DLGAP2: variants seen among roughly 807,000 people sequenced by gnomAD.
DLGAP2 encodes the protein disks large-associated protein 2.
Under a neutral mutation model 100.3 loss-of-function variants are expected in DLGAP2, and 26 were observed. The ratio of observed to expected loss-of-function variants is 0.26; its 90% CI spans 0.19 to 0.36. DLGAP2 has a LOEUF of 0.36. Ranked by LOEUF, DLGAP2 falls within the 10% of genes least tolerant of loss-of-function variation. DLGAP2 has a pLI of 1.00. For missense variants in DLGAP2, 1,858 were observed against 1,453.2 expected, an observed-to-expected ratio of 1.28 and a Z score of -4.53; for synonymous variants, 886 against 630.1, an observed-to-expected ratio of 1.41 and a Z score of -6.08.
At chr8:1,349,098 G>A (rs1311807431) in intron 3 of DLGAP2, among the ~76,000 whole-genome samples, 2 of 151,516 alleles carry the variant, frequency 1.3e-5, no homozygotes, top group Non-Finnish European at 2.9e-5. Flanking sequence ...TGCTCAGAGA[G>A]TGCTGCCGTT....
intron 3 of DLGAP2, among the ~76,000 whole-genome samples, chr8:1,415,083 T>G (rs1796841518): frequency 1.3e-5 from 2 of 152,216 alleles, no homozygotes; most frequent in African/African-American, 4.8e-5. Context: ...TTGGCTGTGG[T>G]GCACATGCAT....
chr8:896,421 G>A (rs1462277385), intron 1 of DLGAP2, among the ~76,000 whole-genome samples: 1 of 151,994 alleles, frequency 6.6e-6, no homozygotes, highest in Non-Finnish European at 1.5e-5. Flanking sequence ...CAGGGCGGGG[G>A]GGCTGGGTGG....
rs56053091 is a variant in DLGAP2, at chr8:1,385,218, A to G, written c.107-116148A>G. Among the ~76,000 whole-genome samples the G allele has an allele frequency of 1.0e-3, 39 of 39,086 alleles. 1 individual carries two copies. Among genetic ancestry groups the G allele is most frequent in the East Asian group, 2.7e-3 (2 of 744 alleles). The allele number at this position is 39,086 out of a possible 152,430, so 25.6% of individuals were successfully genotyped here. A position where few individuals can be genotyped will look rare whatever the true frequency, so the allele number is the denominator to read the frequency against. ...ACTTGGTGCACAGTTACCCCGGCCT[A>G]TGCCCGTCCCCTGAGAACTTGGTGG... On this transcript the variant is annotated intron_variant, in intron 3 of 14. Coordinates refer to ENST00000637795, the MANE Select transcript of DLGAP2 (RefSeq NM_001346810.2).
chr8:1,591,783 C>G (rs1450811543), intron 6 of DLGAP2, among the ~76,000 whole-genome samples: 1 of 152,200 alleles, frequency 6.6e-6, no homozygotes, highest in Non-Finnish European at 1.5e-5. Flanking sequence ...AGGCCCTCAC[C>G]CATCCCCAGC....
intron 3 of DLGAP2, among the ~76,000 whole-genome samples, chr8:1,296,574 A>G (rs913722308): frequency 2.6e-5 from 4 of 152,174 alleles, no homozygotes; most frequent in African/African-American, 9.7e-5. Flanking sequence ...TTGGGATTCT[A>G]TATGAATAAA....
At chr8:1,330,302 C>G (rs1468295309) in intron 3 of DLGAP2, among the ~76,000 whole-genome samples, 1 of 147,330 alleles carries the variant, frequency 6.8e-6, no homozygotes, top group African/African-American at 2.5e-5. Flanking sequence ...GGGAGCACTA[C>G]TTCACAGGGA....
intron 4 of DLGAP2, among the ~76,000 whole-genome samples, chr8:1,546,464 C>T (rs1035696297): frequency 6.6e-6 from 1 of 152,240 alleles, no homozygotes; most frequent in Non-Finnish European, 1.5e-5. Context: ...CTTCCTTATC[C>T]CATGTTTCCA....
intron 2 of DLGAP2, 53 bp from the exon 3 acceptor site, chr8:1,258,798 T>G: frequency 1.6e-6 from 2 of 1,227,882 alleles, no homozygotes; most frequent in Non-Finnish European, 2.0e-6. Context: ...TCTTTTTAAC[T>G]GCATGGTTGA....
chr8:925,366 C>A (rs1437309470), intron 2 of DLGAP2, among the ~76,000 whole-genome samples: 1 of 152,122 alleles, frequency 6.6e-6, no homozygotes, highest in Non-Finnish European at 1.5e-5. Flanking sequence ...AAGCGATCCT[C>A]CCAGCTCAGC....
At chr8:1,463,098 A>C (rs1406988891) in intron 3 of DLGAP2, among the ~76,000 whole-genome samples, 1 of 151,992 alleles carries the variant, frequency 6.6e-6, no homozygotes, top group Non-Finnish European at 1.5e-5. Context: ...AAAATACAAA[A>C]ATTAGCCTGG....
At chr8:1,274,796 A>G (rs1383634692) in intron 3 of DLGAP2, among the ~76,000 whole-genome samples, 1 of 143,138 alleles carries the variant, frequency 7.0e-6, no homozygotes, top group East Asian at 2.1e-4. Context: ...TGTTTGGTAT[A>G]TAATTCCAAA....
At chr8:1,272,757 ACT>A (rs1274318047) in intron 3 of DLGAP2, among the ~76,000 whole-genome samples, 1 of 151,864 alleles carries the variant, frequency 6.6e-6, no homozygotes, top group African/African-American at 2.4e-5. Flanking sequence ...ACCACGGGTG[ACT>A]CTTCCCATCA....
At chr8:960,808 T>G (rs1164543890) in intron 2 of DLGAP2, among the ~76,000 whole-genome samples, 1 of 152,192 alleles carries the variant, frequency 6.6e-6, no homozygotes, top group East Asian at 1.9e-4. Context: ...CATGGTAAAG[T>G]TGAAACATCA....
At position 1,438,814 on chromosome 8, in the gene DLGAP2, T is replaced by C. The variant is rs1797735018; in HGVS notation, c.107-62552T>C. On this transcript the variant is annotated intron_variant, in intron 3 of 14. Transcript: ENST00000637795. ...TTGCTGGTTGCTATGGAAACTGCCATCCACAAATGTTTCCTGAGCAGAATC... is the reference window on the plus strand; with the variant it reads ...TTGCTGGTTGCTATGGAAACTGCCACCCACAAATGTTTCCTGAGCAGAATC... Among the ~76,000 whole-genome samples, 4 of 152,194 alleles carry C rather than the reference T, an allele frequency of 2.6e-5. No homozygotes were observed. The South Asian group carries it at 6.2e-4, about 24-fold the overall frequency.
At chr8:1,628,831 C>A (rs1309802859) in intron 7 of DLGAP2, among the ~76,000 whole-genome samples, 1 of 152,254 alleles carries the variant, frequency 6.6e-6, no homozygotes, top group African/African-American at 2.4e-5. Flanking sequence ...CTCTGACTTA[C>A]TGTGGAGTAG....
At chr8:974,773 C>T (rs1384461008) in intron 2 of DLGAP2, among the ~76,000 whole-genome samples, 1 of 151,994 alleles carries the variant, frequency 6.6e-6, no homozygotes, top group Non-Finnish European at 1.5e-5. Context: ...ATGTATTTAC[C>T]ATTGAATACA....
At chr8:1,170,414 G>A (rs1797104898) in intron 2 of DLGAP2, among the ~76,000 whole-genome samples, 1 of 152,158 alleles carries the variant, frequency 6.6e-6, no homozygotes, top group Non-Finnish European at 1.5e-5. Context: ...AGTTAGGGAG[G>A]ATTCCCTCTT....
intron 1 of DLGAP2, among the ~76,000 whole-genome samples, chr8:812,065 A>T (rs761941994): frequency 2.6e-5 from 4 of 152,192 alleles, no homozygotes; most frequent in African/African-American, 4.8e-5. Context: ...GAGAAACGGG[A>T]TCAGTAGGAT....
At chr8:1,318,882 A>G (rs1800830373) in intron 3 of DLGAP2, among the ~76,000 whole-genome samples, 1 of 141,588 alleles carries the variant, frequency 7.1e-6, no homozygotes, top group Non-Finnish European at 1.5e-5. Flanking sequence ...TCCTTTCACC[A>G]CTTAGAAGGG....
Sources: allele counts gnomAD v4.1 joint callset (sites outside exome capture counted in the v4.1 genomes callset), GRCh38; gene constraint gnomAD v4.1.1; transcripts MANE v1.5; gene names NCBI Gene and HGNC (gene_info 2026-07-23, HGNC 2026-07-21).